ADCY2: variants seen among roughly 807,000 people sequenced by gnomAD.
The protein encoded by ADCY2 is adenylate cyclase type 2.
A neutral mutation model predicts 125.2 loss-of-function variants in ADCY2; 31 were observed. That is an observed-to-expected ratio of 0.25 (90% CI 0.19 to 0.33). ADCY2 has a LOEUF of 0.33. ADCY2 is among the 10% of genes least tolerant of loss of function. ADCY2 has a pLI of 1.00. For synonymous variants in ADCY2, 512 were observed against 548.4 expected (o/e 0.93, Z 0.93); for missense variants, 904 against 1,418.2 (o/e 0.64, Z 5.82).
intron 4 of ADCY2, among the ~76,000 whole-genome samples, chr5:7,660,798 T>A (rs1197280948): frequency 2.2e-5 from 3 of 134,782 alleles, no homozygotes; most frequent in Admixed American, 7.5e-5. Flanking sequence ...AAAAAAAAAA[T>A]ACTTTCACAG....
chr5:7,612,391 G>T (rs1197515880), intron 3 of ADCY2, among the ~76,000 whole-genome samples: 1 of 152,220 alleles, frequency 6.6e-6, no homozygotes, highest in East Asian at 1.9e-4. Context: ...AGCAGGCCCT[G>T]AGATAGGGAT....
chr5:7,778,231 C>T (rs1743804087), intron 18 of ADCY2, among the ~76,000 whole-genome samples: 1 of 152,208 alleles, frequency 6.6e-6, no homozygotes, highest in Non-Finnish European at 1.5e-5. Context: ...ACTGTGTCTG[C>T]AAGAAGTTGT....
intron 3 of ADCY2, among the ~76,000 whole-genome samples, chr5:7,608,214 T>C (rs1185098627): frequency 1.3e-5 from 2 of 152,172 alleles, no homozygotes; most frequent in South Asian, 4.1e-4. Context: ...TTAAATTGTC[T>C]CTATAGTAAG....
intron 4 of ADCY2, among the ~76,000 whole-genome samples, chr5:7,671,302 G>A (rs1167154750): frequency 6.6e-6 from 1 of 152,130 alleles, no homozygotes; most frequent in East Asian, 1.9e-4. Flanking sequence ...TTTTCAGCTG[G>A]TTATTTGGGG....
At chr5:7,549,328 C>A (rs1735251498) in intron 3 of ADCY2, among the ~76,000 whole-genome samples, 1 of 152,166 alleles carries the variant, frequency 6.6e-6, no homozygotes, top group South Asian at 2.1e-4. Flanking sequence ...CATTGCTGGG[C>A]TCATGGCAAA....
At chr5:7,743,596 G>A in intron 14 of ADCY2, 72 bp from the exon 15 acceptor site, 2 of 1,407,718 alleles carry the variant, frequency 1.4e-6, no homozygotes, top group Non-Finnish European at 2.0e-6. Flanking sequence ...TAACCCAAAA[G>A]TATTACTGGT....
rs869287430 is a variant in ADCY2, at chr5:7,418,647, G to GTTTTTTTTTTTTTTTTTTTTTTTTTT, written c.408+3878_408+3903dup. ...AATTAAAAACAAAAGTCTACCTTCT[G>GTTTTTTTTTTTTTTTTTTTTTTTTTT]TTTTTTTTTTTTTTTTTTTTTTTTT... On this transcript the variant is annotated intron_variant, in intron 2 of 24. Transcript: ENST00000338316. 1.1e-4 allele frequency among the ~76,000 whole-genome samples: 8 copies of GTTTTTTTTTTTTTTTTTTTTTTTTTT among 73,766 alleles called. 2 individuals carry two copies. The highest frequency in any genetic ancestry group is 1.9e-4 in the African/African-American group (3 of 16,070). 48.4% of individuals were successfully genotyped at this position (73,766 alleles called of 152,430 possible).
chr5:7,505,993 T>C (rs1001264445), intron 2 of ADCY2, among the ~76,000 whole-genome samples: 1 of 152,166 alleles, frequency 6.6e-6, no homozygotes, highest in Non-Finnish European at 1.5e-5. Context: ...CCTTACCTTT[T>C]TTTTTTCCCC....
chr5:7,689,255 G>A (rs1270439390), intron 4 of ADCY2, among the ~76,000 whole-genome samples: 1 of 152,154 alleles, frequency 6.6e-6, no homozygotes, highest in African/African-American at 2.4e-5. Context: ...TTTGGAGGAA[G>A]CTTAATGCCT....
intron 2 of ADCY2, among the ~76,000 whole-genome samples, chr5:7,493,720 A>G (rs190034402): frequency 6.6e-6 from 1 of 152,196 alleles, no homozygotes; most frequent in East Asian, 1.9e-4. Flanking sequence ...TGATGGAGGG[A>G]TAGTGGAGCT....
Position 7,698,233 on chromosome 5 carries a change from A to G in ADCY2, c.982-14A>G, listed in dbSNP as rs772273842. ...TGCTTAATGCAACTGAAATTCTGTA[A>G]TTTATTCTTCCAGGAGAATGAATGC... On this transcript the variant is annotated splice_polypyrimidine_tract_variant and intron_variant, in intron 6 of 24. Transcript: ENST00000338316. The G allele has an allele frequency of 5.6e-6, 9 of 1,613,630 alleles. No individual in the cohort carries two copies. The highest frequency in any genetic ancestry group is 7.6e-6 in the Non-Finnish European group (9 of 1,179,900).
In ADCY2 at chr5:7,704,037, C is replaced by G. The variant is rs148356586; in HGVS notation, c.1110-2707C>G. ...AAGTTTATTTTGTTACACCCCTACC[C>G]CCATGAAAGGGCAGCAACAGAGAGG... On this transcript the variant is annotated intron_variant, in intron 7 of 24. Coordinates refer to ENST00000338316, the MANE Select transcript of ADCY2 (RefSeq NM_020546.3). 9.0e-3 allele frequency among the ~76,000 whole-genome samples: 1,320 copies of G among 146,476 alleles called. 11 individuals carry two copies. The highest frequency in any genetic ancestry group is 0.015 in the Non-Finnish European group (1,010 of 67,954).
intron 1 of ADCY2, among the ~76,000 whole-genome samples, chr5:7,403,745 T>C (rs1480864419): frequency 6.6e-6 from 1 of 152,186 alleles, no homozygotes; most frequent in Non-Finnish European, 1.5e-5. Flanking sequence ...TATATATATG[T>C]GTGGTGTGTT....
intron 2 of ADCY2, among the ~76,000 whole-genome samples, chr5:7,505,477 A>C (rs1369002913): frequency 6.6e-6 from 1 of 152,210 alleles, no homozygotes; most frequent in Non-Finnish European, 1.5e-5. Context: ...GCACGAACAT[A>C]CAGGGGAGAG....
At chr5:7,775,399 T>C (rs537412282) in intron 18 of ADCY2, among the ~76,000 whole-genome samples, 1 of 149,504 alleles carries the variant, frequency 6.7e-6, no homozygotes, top group Non-Finnish European at 1.5e-5. Context: ...TTTTGATTGT[T>C]TGTTTGTTTG....
chr5:7,398,824 A>G (rs911030264), intron 1 of ADCY2, among the ~76,000 whole-genome samples: 2 of 152,206 alleles, frequency 1.3e-5, no homozygotes, highest in Admixed American at 6.5e-5. Context: ...CGGGACTGGG[A>G]TGATGTTGGG....
intron 24 of ADCY2, among the ~76,000 whole-genome samples, chr5:7,822,730 G>A (rs1225737601): frequency 1.4e-5 from 2 of 147,742 alleles, no homozygotes; most frequent in Non-Finnish European, 3.0e-5. Flanking sequence ...ACATGCATGT[G>A]TGTGTGTGTG....
chr5:7,489,864 C>T (rs985481051), intron 2 of ADCY2, among the ~76,000 whole-genome samples: 1 of 152,144 alleles, frequency 6.6e-6, no homozygotes, highest in African/African-American at 2.4e-5. Context: ...CCCAGGTTAG[C>T]AGACCTGAGC....
intron 3 of ADCY2, among the ~76,000 whole-genome samples, chr5:7,551,004 C>G (rs1367327201): frequency 6.7e-6 from 1 of 150,364 alleles, no homozygotes; most frequent in Non-Finnish European, 1.5e-5. Flanking sequence ...AGCTAGGCCT[C>G]CCTTCTTCCC....
Sources: gnomAD v4.1 joint callset for allele counts (sites outside exome capture counted in the v4.1 genomes callset) on GRCh38, gnomAD v4.1.1 for gene constraint, MANE v1.5 for transcripts, NCBI Gene and HGNC (gene_info 2026-07-23, HGNC 2026-07-21) for gene names.